FHIT: variants seen among roughly 807,000 people sequenced by gnomAD.
FHIT encodes the protein fragile histidine triad diadenosine triphosphatase.
FHIT carries 19 observed loss-of-function variants against 17.9 expected under a neutral mutation model. That is an observed-to-expected ratio of 1.06 (90% CI 0.74 to 1.56). FHIT has a LOEUF of 1.56. FHIT is among the 40% of genes most tolerant of loss of function. The pLI, the probability that FHIT is intolerant of heterozygous loss-of-function variation, is 0.00. For synonymous variants in FHIT, 81 were observed against 69.7 expected (o/e 1.16, Z -0.81); for missense variants, 248 against 189.2 (o/e 1.31, Z -1.82).
intron 3 of FHIT, among the ~76,000 whole-genome samples, chr3:60,895,813 G>A (rs1377856419): frequency 1.0e-5 from 1 of 100,086 alleles, no homozygotes; most frequent in Non-Finnish European, 2.3e-5. Context: ...ATTCAGACAG[G>A]TCCTCATTTT....
At chr3:60,083,917 T>C (rs1017935146) in intron 5 of FHIT, among the ~76,000 whole-genome samples, 2 of 152,226 alleles carry the variant, frequency 1.3e-5, no homozygotes, top group African/African-American at 4.8e-5. Flanking sequence ...GGCCATGCTC[T>C]GCTATAGTGC....
intron 8 of FHIT, among the ~76,000 whole-genome samples, chr3:59,759,414 G>A (rs1265599837): frequency 1.3e-5 from 2 of 152,154 alleles, no homozygotes; most frequent in African/African-American, 4.8e-5. Flanking sequence ...TGCCCCATAG[G>A]CTAGTTAGCG....
chr3:60,437,550 A>G (rs2030385719), intron 5 of FHIT, among the ~76,000 whole-genome samples: 1 of 152,080 alleles, frequency 6.6e-6, no homozygotes, highest in African/African-American at 2.4e-5. Context: ...CTGTGCTCAG[A>G]GATTACATGC....
intron 5 of FHIT, among the ~76,000 whole-genome samples, chr3:60,356,513 T>C (rs940842316): frequency 2.0e-5 from 3 of 152,140 alleles, no homozygotes; most frequent in African/African-American, 7.2e-5. Flanking sequence ...GTGTAGGTAA[T>C]TGTCCTGCCA....
intron 5 of FHIT, among the ~76,000 whole-genome samples, chr3:60,407,545 T>C (rs1378902139): frequency 6.6e-6 from 1 of 152,170 alleles, no homozygotes; most frequent in African/African-American, 2.4e-5. Flanking sequence ...TTTATTTTTA[T>C]TTATTGTTGC....
intron 8 of FHIT, among the ~76,000 whole-genome samples, chr3:59,757,138 C>T (rs1701259733): frequency 6.6e-6 from 1 of 152,146 alleles, no homozygotes; most frequent in Non-Finnish European, 1.5e-5. Flanking sequence ...TGGTTTCCTT[C>T]TGATGCAACA....
chr3:60,170,590 T>C (rs1038439768), intron 5 of FHIT, among the ~76,000 whole-genome samples: 4 of 152,176 alleles, frequency 2.6e-5, no homozygotes, highest in African/African-American at 9.6e-5. Context: ...TATTGTTCAA[T>C]AATTTTTTTA....
intron 5 of FHIT, among the ~76,000 whole-genome samples, chr3:60,333,899 C>T (rs1175502408): frequency 6.6e-6 from 1 of 152,178 alleles, no homozygotes; most frequent in Non-Finnish European, 1.5e-5. Context: ...GCCTAACAGA[C>T]CACCTGCTTC....
intron 5 of FHIT, among the ~76,000 whole-genome samples, chr3:60,209,422 T>C (rs1703349157): frequency 6.6e-6 from 1 of 152,136 alleles, no homozygotes; most frequent in Non-Finnish European, 1.5e-5. Flanking sequence ...GACATACAAA[T>C]GTGTCATTCA....
At chr3:61,041,026 A>T (rs1163578485) in intron 3 of FHIT, among the ~76,000 whole-genome samples, 1 of 152,124 alleles carries the variant, frequency 6.6e-6, no homozygotes, top group Non-Finnish European at 1.5e-5. Context: ...CATCTTGGAC[A>T]CTGGATGTCT....
chr3:61,029,270 C>G (rs191225480), intron 3 of FHIT, among the ~76,000 whole-genome samples: 1 of 152,184 alleles, frequency 6.6e-6, no homozygotes, highest in East Asian at 1.9e-4. Flanking sequence ...ACTGCTCTGA[C>G]AAAAAACCAC....
intron 4 of FHIT, among the ~76,000 whole-genome samples, chr3:60,586,359 TTTAAAG>T (rs1318161487): frequency 6.6e-6 from 1 of 151,980 alleles, no homozygotes; most frequent in Admixed American, 6.6e-5. Flanking sequence ...TCCAGCAAAG[TTTAAAG>T]TTAGAGATAA....
At chr3:61,040,128 T>C (rs1447839082) in intron 3 of FHIT, among the ~76,000 whole-genome samples, 1 of 152,200 alleles carries the variant, frequency 6.6e-6, no homozygotes. Flanking sequence ...CCCCTTTAAA[T>C]GTCCAAATTA....
intron 4 of FHIT, among the ~76,000 whole-genome samples, chr3:60,607,876 G>A (rs781929641): frequency 1.1e-4 from 16 of 152,058 alleles, no homozygotes; most frequent in Admixed American, 9.8e-4. Context: ...GAAAATCAGA[G>A]GGGAAATAAA....
chr3:60,251,157 T>G (rs1324831937), intron 5 of FHIT, among the ~76,000 whole-genome samples: 2 of 152,214 alleles, frequency 1.3e-5, no homozygotes, highest in East Asian at 3.9e-4. Flanking sequence ...CTATTCCAAT[T>G]GCATTTACCT....
intron 5 of FHIT, among the ~76,000 whole-genome samples, chr3:60,445,701 T>A (rs2031284355): frequency 6.6e-6 from 1 of 151,962 alleles, no homozygotes; most frequent in Non-Finnish European, 1.5e-5. Flanking sequence ...TTTTTCCCCC[T>A]GTAGACACAC....
intron 5 of FHIT, among the ~76,000 whole-genome samples, chr3:60,347,842 T>TC (rs1353206887): frequency 6.6e-6 from 1 of 151,960 alleles, no homozygotes; most frequent in African/African-American, 2.4e-5. Context: ...CACTGCAACC[T>TC]CCCCCTCCTG....
At chr3:60,154,820 T>C (rs1318782020) in intron 5 of FHIT, among the ~76,000 whole-genome samples, 3 of 152,200 alleles carry the variant, frequency 2.0e-5, no homozygotes, top group East Asian at 3.8e-4. Context: ...ATTTAAACTA[T>C]TCAATAGCAG....
At chr3:59,949,914 A>G (rs1575750148) in intron 7 of FHIT, among the ~76,000 whole-genome samples, 1 of 152,304 alleles carries the variant, frequency 6.6e-6, no homozygotes, top group Non-Finnish European at 1.5e-5. Flanking sequence ...CACAACAACA[A>G]TGCATAATTA....
Sources: gnomAD v4.1 joint callset for allele counts (sites outside exome capture counted in the v4.1 genomes callset) on GRCh38, gnomAD v4.1.1 for gene constraint, MANE v1.5 for transcripts, NCBI Gene and HGNC (gene_info 2026-07-23, HGNC 2026-07-21) for gene names.